DPP6: variants seen among roughly 807,000 people sequenced by gnomAD.
DPP6 encodes the protein dipeptidyl peptidase like 6.
A neutral mutation model predicts 122.6 loss-of-function variants in DPP6; 69 were observed. That is an observed-to-expected ratio of 0.56 (90% CI 0.46 to 0.69). The LOEUF is 0.69. Among genes scored for constraint, DPP6 ranks in the 30% least tolerant of loss-of-function variants. The probability of loss-of-function intolerance (pLI) is 0.00; values close to 1 mark genes in which losing one functional copy is unlikely to be tolerated. For missense variants in DPP6, 928 were observed against 1,116.9 expected (o/e 0.83, Z 2.41); for synonymous variants, 418 against 433.1 (o/e 0.97, Z 0.43).
At chr7:154,819,739 C>G (rs1243536442) in intron 16 of DPP6, among the ~76,000 whole-genome samples, 1 of 152,060 alleles carries the variant, frequency 6.6e-6, no homozygotes, top group African/African-American at 2.4e-5. Flanking sequence ...GAAGGGGCCC[C>G]AATGGACTAA....
Position 154,727,799 on chromosome 7 carries a change from T to C in DPP6, c.795T>C (p.Cys265=), listed in dbSNP as rs778972898. 3 of 1,613,864 alleles carry C rather than the reference T, an allele frequency of 1.9e-6. No individual in the cohort carries two copies. The highest frequency in any genetic ancestry group is 2.2e-5 in the South Asian group (2 of 91,070). ...TTTTTGAAAACAATATCTACTACTG[T>C]GCACATGTCGGGAAACAGGCCATCC... The part of the protein sequence containing the change: ...IFIFENNIYY[C]AHVGKQAIRV... The change falls in exon 8 of 26, where the codon TGT becomes TGC. Residue 265 remains cysteine (C), a synonymous_variant. Transcript: ENST00000377770.
intron 1 of DPP6, among the ~76,000 whole-genome samples, chr7:154,418,317 T>C (rs1817195008): frequency 1.3e-5 from 2 of 152,276 alleles, no homozygotes; most frequent in African/African-American, 2.4e-5. Context: ...CTTAAGTTCT[T>C]CTTACAAGAT....
intron 1 of DPP6, among the ~76,000 whole-genome samples, chr7:154,375,788 G>T (rs1401440257): frequency 6.6e-6 from 1 of 152,174 alleles, no homozygotes; most frequent in Non-Finnish European, 1.5e-5. Context: ...GCAGACCAAC[G>T]CAAGCCTTTT....
At chr7:154,339,295 G>A (rs903102958) in intron 1 of DPP6, among the ~76,000 whole-genome samples, 2 of 152,374 alleles carry the variant, frequency 1.3e-5, no homozygotes, top group Middle Eastern at 3.4e-3. Context: ...GGACAGGGAC[G>A]TGGGGTGGTG....
chr7:154,447,041 T>C (rs1844909), intron 2 of DPP6, among the ~76,000 whole-genome samples: 86,797 of 152,096 alleles, frequency 0.57, 27,501 homozygotes, highest in African/African-American at 0.86. Context: ...CATGGTGGCT[T>C]ATGCCTGTAA....
intron 1 of DPP6, among the ~76,000 whole-genome samples, chr7:154,077,912 G>T (rs1411395631): frequency 1.3e-5 from 2 of 152,030 alleles, no homozygotes; most frequent in African/African-American, 4.8e-5. Flanking sequence ...CTCATGATCT[G>T]CCCTCCTCGG....
At chr7:154,703,864 G>T (rs1381817297) in intron 7 of DPP6, among the ~76,000 whole-genome samples, 4 of 152,124 alleles carry the variant, frequency 2.6e-5, no homozygotes, top group Non-Finnish European at 5.9e-5. Flanking sequence ...ATGAACCTGG[G>T]AGGCGGAGCT....
intron 3 of DPP6, among the ~76,000 whole-genome samples, chr7:154,517,487 T>C (rs1161881708): frequency 6.6e-6 from 1 of 152,086 alleles, no homozygotes; most frequent in Non-Finnish European, 1.5e-5. Flanking sequence ...GGTGAACTCA[T>C]GGTTCATAAA....
chr7:154,192,691 C>T (rs1798673218), intron 1 of DPP6, among the ~76,000 whole-genome samples: 2 of 152,136 alleles, frequency 1.3e-5, no homozygotes, highest in Non-Finnish European at 2.9e-5. Context: ...TTTAAAAATC[C>T]CCATATGGGT....
chr7:154,137,978 A>G (rs1388264964), intron 1 of DPP6, among the ~76,000 whole-genome samples: 3 of 152,140 alleles, frequency 2.0e-5, no homozygotes, highest in Non-Finnish European at 2.9e-5. Context: ...AGCTTACACA[A>G]TTCCTGGGGT....
intron 1 of DPP6, among the ~76,000 whole-genome samples, chr7:154,053,600 TC>T (rs1443449897): frequency 6.6e-6 from 1 of 150,932 alleles, no homozygotes; most frequent in Non-Finnish European, 1.5e-5. Flanking sequence ...AGACACTTTT[TC>T]CCCCCAGCGG....
intron 1 of DPP6, among the ~76,000 whole-genome samples, chr7:153,921,762 A>G (rs1386055237): frequency 6.6e-6 from 1 of 152,258 alleles, no homozygotes; most frequent in Non-Finnish European, 1.5e-5. Flanking sequence ...ATTAGGACAC[A>G]TCACTTAGGT....
chr7:154,383,530 C>A (rs1813812259), intron 1 of DPP6, among the ~76,000 whole-genome samples: 1 of 152,156 alleles, frequency 6.6e-6, no homozygotes, highest in Non-Finnish European at 1.5e-5. Flanking sequence ...CATGCATTGT[C>A]AATAATTACA....
intron 20 of DPP6, among the ~76,000 whole-genome samples, chr7:154,880,080 C>T (rs1055400900): frequency 1.3e-5 from 2 of 152,224 alleles, no homozygotes; most frequent in Non-Finnish European, 2.9e-5. Flanking sequence ...CCACACTTGA[C>T]ATTATGGCTT....
intron 8 of DPP6, among the ~76,000 whole-genome samples, chr7:154,764,558 T>C (rs1351946028): frequency 1.3e-5 from 2 of 152,140 alleles, no homozygotes; most frequent in East Asian, 3.9e-4. Context: ...ATTGGTTCTT[T>C]TACTAAAAAG....
Position 154,504,650 on chromosome 7 carries a change from A to C in DPP6, c.457+29613A>C, listed in dbSNP as rs374940897. ...ACAGATCATTACAACCCAAAAGCTC[A>C]ATACCATATTCCTCAAAATGCAAAT... On this transcript the variant is annotated intron_variant, in intron 3 of 25. Transcript: ENST00000377770. 3.3e-5 allele frequency among the ~76,000 whole-genome samples: 5 copies of C among 152,306 alleles called. No individual in the cohort carries two copies. The East Asian group carries it at 7.7e-4, about 24-fold the overall frequency.
chr7:154,060,582 T>C (rs184650988), intron 1 of DPP6, among the ~76,000 whole-genome samples: 1 of 94,048 alleles, frequency 1.1e-5, no homozygotes, highest in African/African-American at 5.1e-5. Flanking sequence ...TTACGTGGGA[T>C]TACTGAGAGC....
At chr7:154,005,808 G>T (rs7802329) in intron 1 of DPP6, among the ~76,000 whole-genome samples, 2 of 151,162 alleles carry the variant, frequency 1.3e-5, no homozygotes, top group Admixed American at 1.3e-4. Flanking sequence ...TTCACCTTCC[G>T]GTTGGACGAG....
chr7:154,221,926 T>C (rs1041490087), intron 1 of DPP6, among the ~76,000 whole-genome samples: 1 of 152,148 alleles, frequency 6.6e-6, no homozygotes, highest in African/African-American at 2.4e-5. Flanking sequence ...AAATTGAAAA[T>C]TTAATTTAAT....
Sources: allele counts gnomAD v4.1 joint callset (sites outside exome capture counted in the v4.1 genomes callset), GRCh38; gene constraint gnomAD v4.1.1; transcripts MANE v1.5; gene names NCBI Gene and HGNC (gene_info 2026-07-23, HGNC 2026-07-21).